Variants in PPP1R16B observed in about 807,000 individuals in gnomAD.
PPP1R16B encodes protein phosphatase 1 regulatory subunit 16B.
PPP1R16B carries 14 observed loss-of-function variants against 61.7 expected under a neutral mutation model. The observed-to-expected ratio is 0.23, with a 90% confidence interval of 0.15 to 0.35. PPP1R16B has a LOEUF of 0.35. PPP1R16B is among the 10% of genes least tolerant of loss of function. The probability of loss-of-function intolerance (pLI) is 1.00; values close to 1 mark genes in which losing one functional copy is unlikely to be tolerated. For synonymous variants in PPP1R16B, 266 were observed against 305.3 expected, an observed-to-expected ratio of 0.87 and a Z score of 1.34; for missense variants, 547 against 752.5, an observed-to-expected ratio of 0.73 and a Z score of 3.19.
chr20:38,885,630 A>C (rs1401652943), intron 2 of PPP1R16B, among the ~76,000 whole-genome samples: 1 of 152,230 alleles, frequency 6.6e-6, no homozygotes, highest in African/African-American at 2.4e-5. Context: ...TAATTTGGCC[A>C]CATGTGACTA....
Position 38,922,396 on chromosome 20 carries a change from G to A in PPP1R16B, c.*3730G>A, listed in dbSNP as rs116621334. The A allele has an allele frequency of 0.03, 4,616 of 152,738 alleles. 94 individuals carry two copies. Among genetic ancestry groups the A allele is most frequent in the East Asian group, 0.093 (480 of 5,184 alleles). The allele number at this position is 152,738 out of a possible 1,614,324, so 9.5% of individuals were successfully genotyped here. Reference sequence around the variant, plus strand: ...CTTTTAAGAAGGGTGCTCCTTTTAAGATGCCCAGAAAAGCTGTATTTAACT... The same window carrying A: ...CTTTTAAGAAGGGTGCTCCTTTTAAAATGCCCAGAAAAGCTGTATTTAACT... On this transcript the variant is annotated 3_prime_UTR_variant, in exon 11 of 11. Coordinates refer to ENST00000299824, the MANE Select transcript of PPP1R16B (RefSeq NM_015568.4).
At chr20:38,863,520 G>T (rs893417906) in intron 2 of PPP1R16B, among the ~76,000 whole-genome samples, 17 of 152,212 alleles carry the variant, frequency 1.1e-4, no homozygotes, top group Admixed American at 3.9e-4. Context: ...CTCTGGCATG[G>T]ATGATGGGAA....
At chr20:38,905,899 G>A (rs1044056114) in intron 6 of PPP1R16B, 70 bp from the exon 7 acceptor site, 31 of 1,508,138 alleles carry the variant, frequency 2.1e-5, no homozygotes, top group Non-Finnish European at 2.5e-5. Flanking sequence ...TTGGGTGAAG[G>A]TGAGAGCTAG....
intron 6 of PPP1R16B, among the ~76,000 whole-genome samples, chr20:38,903,430 A>G (rs186820015): frequency 7.9e-5 from 12 of 152,160 alleles, no homozygotes; most frequent in African/African-American, 2.7e-4. Context: ...GCCTTGCCTC[A>G]TCAGCTCCCC....
chr20:38,839,126 C>T (rs1317987794), intron 2 of PPP1R16B, among the ~76,000 whole-genome samples: 1 of 152,154 alleles, frequency 6.6e-6, no homozygotes. Flanking sequence ...TGGGGTTTCA[C>T]CATGTTGGCC....
chr20:38,858,044 C>T (rs2085020232), intron 2 of PPP1R16B, among the ~76,000 whole-genome samples: 1 of 152,144 alleles, frequency 6.6e-6, no homozygotes, highest in South Asian at 2.1e-4. Flanking sequence ...TGGCTTTCCA[C>T]CTCCTCACTG....
At chr20:38,891,548 C>A (rs1427120069) in intron 3 of PPP1R16B, among the ~76,000 whole-genome samples, 1 of 152,142 alleles carries the variant, frequency 6.6e-6, no homozygotes, top group Non-Finnish European at 1.5e-5. Flanking sequence ...GCCTGTAATC[C>A]CGGCTCTTTG....
chr20:38,918,616 C>G lies in PPP1R16B; in HGVS notation c.1654C>G (p.Pro552Ala). The G allele has an allele frequency of 6.6e-7, 1 of 1,521,702 alleles. No homozygotes were observed. The highest frequency in any genetic ancestry group is 8.8e-7 in the Non-Finnish European group (1 of 1,135,806). 94.3% of individuals were successfully genotyped at this position (1,521,702 alleles called of 1,614,324 possible). The change falls in exon 11 of 11, where the codon CCC becomes GCC. Residue 552 changes from proline (P) to alanine (A), a missense_variant. Physicochemically the swap from Pro to Ala is conservative, Grantham distance 27. Coordinates refer to ENST00000299824, the MANE Select transcript of PPP1R16B (RefSeq NM_015568.4). This position sits in a 1 kb window ranked among gnomAD's most constrained non-coding sequence, Gnocchi z 5.3. Reference protein sequence around the residue: ...GDPPLLKFKAPIEEMEEKVHG... With the variant: ...GDPPLLKFKAAIEEMEEKVHG... ...TCCCCCACTCTTAAAGTTCAAGGCCCCCATAGAGGAGATGGAGGAGAAGGT... is the reference window on the plus strand; with the variant it reads ...TCCCCCACTCTTAAAGTTCAAGGCCGCCATAGAGGAGATGGAGGAGAAGGT...
intron 3 of PPP1R16B, among the ~76,000 whole-genome samples, chr20:38,890,569 C>A (rs1031176688): frequency 6.6e-6 from 1 of 152,208 alleles, no homozygotes; most frequent in African/African-American, 2.4e-5. Flanking sequence ...GGCCCTCTTC[C>A]TTCGTAATTA....
chr20:38,867,144 A>T (rs2085096155), intron 2 of PPP1R16B, among the ~76,000 whole-genome samples: 1 of 152,166 alleles, frequency 6.6e-6, no homozygotes, highest in Non-Finnish European at 1.5e-5. Context: ...GTCCCCCGCC[A>T]ACCACACACA....
At chr20:38,828,683 C>T (rs1283405024) in intron 1 of PPP1R16B, among the ~76,000 whole-genome samples, 2 of 152,192 alleles carry the variant, frequency 1.3e-5, no homozygotes, top group Non-Finnish European at 2.9e-5. Context: ...GAAGAGAGAG[C>T]TTCTGATTGG....
At chr20:38,895,897 C>T (rs376171135) in intron 4 of PPP1R16B, among the ~76,000 whole-genome samples, 187 bp downstream of exon 4, 1,989 of 52,882 alleles carry the variant, frequency 0.038, 53 homozygotes, top group East Asian at 0.091. Context: ...TTCCCTCCCT[C>T]CCTCCTTCCT....
intron 2 of PPP1R16B, among the ~76,000 whole-genome samples, chr20:38,846,012 G>T (rs1469541988): frequency 6.6e-6 from 1 of 152,212 alleles, no homozygotes; most frequent in Non-Finnish European, 1.5e-5. Context: ...AAGTGACAGA[G>T]GAGGGACTCA....
chr20:38,825,651 A>C (rs1010296993), intron 1 of PPP1R16B, among the ~76,000 whole-genome samples: 4 of 152,132 alleles, frequency 2.6e-5, no homozygotes, highest in Non-Finnish European at 5.9e-5. Context: ...CTTGATGCTT[A>C]TCTACCATGG....
chr20:38,853,677 T>C (rs2084983981), intron 2 of PPP1R16B, among the ~76,000 whole-genome samples: 1 of 152,190 alleles, frequency 6.6e-6, no homozygotes, highest in Non-Finnish European at 1.5e-5. Context: ...AACTTCTTAT[T>C]TCTCAATGAT....
In PPP1R16B at chr20:38,918,399, G is replaced by A. The variant is rs762770453; in HGVS notation, c.1437G>A (p.Thr479=). The change falls in exon 11 of 11, where the codon ACG becomes ACA. Residue 479 remains threonine, a synonymous_variant. Transcript: ENST00000299824. The surrounding 1 kb of genome is among the most constrained non-coding windows in gnomAD (Gnocchi z 5.3). The stretch of plus-strand genomic sequence containing the variant: ...GCTACAAGGAACAGAGCCCTCAGAC[G>A]CTTCTGGAGCTGAAGCGGCAGCGGG... ...WSSYKEQSPQ[T]LLELKRQRAA... The A allele has an allele frequency of 2.0e-5, 33 of 1,613,982 alleles. No homozygotes were observed. The highest frequency in any genetic ancestry group is 2.6e-5 in the Non-Finnish European group (31 of 1,180,036).
intron 5 of PPP1R16B, among the ~76,000 whole-genome samples, chr20:38,902,360 G>C (rs1261575904): frequency 6.6e-6 from 1 of 152,212 alleles, no homozygotes; most frequent in African/African-American, 2.4e-5. Flanking sequence ...ATAAGACAGA[G>C]GCAGCCATCT....
chr20:38,871,139 G>A (rs1239817862), intron 2 of PPP1R16B, among the ~76,000 whole-genome samples: 1 of 152,110 alleles, frequency 6.6e-6, no homozygotes, highest in Non-Finnish European at 1.5e-5. Flanking sequence ...CCCTAAAGCC[G>A]CAAGCTCAAG....
At chr20:38,895,914 TTCCCTCCCTCC>T (rs1568679007) in intron 4 of PPP1R16B, among the ~76,000 whole-genome samples, 7 of 76,346 alleles carry the variant, frequency 9.2e-5, no homozygotes, top group African/African-American at 3.7e-4. Flanking sequence ...TCCTTCTTTC[TTCCCTCCCTCC>T]CTCCTTCCTT....
Sources: allele counts gnomAD v4.1 joint callset (sites outside exome capture counted in the v4.1 genomes callset), GRCh38; gene constraint gnomAD v4.1.1; non-coding constraint Gnocchi (gnomAD v3.1); transcripts MANE v1.5; gene names NCBI Gene and HGNC (gene_info 2026-07-23, HGNC 2026-07-21).